The following SECISBP2 variants were observed in gnomAD, a reference collection of about 807,000 sequenced individuals.
The protein encoded by SECISBP2 is selenocysteine insertion sequence-binding protein 2.
In SECISBP2, 96 loss-of-function variants were observed where a neutral mutation model predicts 98.2. That is an observed-to-expected ratio of 0.98 (90% CI 0.83 to 1.16). SECISBP2 has a LOEUF of 1.16. SECISBP2 is among the 50% of genes most tolerant of loss of function. SECISBP2 has a pLI of 0.00. For missense variants in SECISBP2, 1,046 were observed against 1,022.9 expected, an observed-to-expected ratio of 1.02 and a Z score of -0.31; for synonymous variants, 407 against 370.2, an observed-to-expected ratio of 1.10 and a Z score of -1.14.
At chr9:89,363,378 G>GC, downstream of SECISBP2, 1 of 1,596,240 alleles carries the variant, frequency 6.3e-7, no homozygotes, top group Admixed American at 1.7e-5. Flanking sequence ...TGTGGCAGGT[G>GC]CCCTGCCCCT....
intron 6 of SECISBP2, 36 bp downstream of exon 6, chr9:89,333,022 G>A: frequency 6.4e-7 from 1 of 1,569,628 alleles, no homozygotes; most frequent in Non-Finnish European, 8.8e-7. Context: ...TTTTTAAAAT[G>A]TCATAGATTT....
downstream of SECISBP2, chr9:89,363,965 C>G (rs147013702): frequency 1.9e-6 from 3 of 1,614,016 alleles, no homozygotes; most frequent in East Asian, 2.2e-5. Flanking sequence ...GGACACAGAC[C>G]GTTTCCACCT....
downstream of SECISBP2, chr9:89,361,525 A>G (rs1832763416): frequency 6.6e-6 from 1 of 152,270 alleles, no homozygotes; most frequent in South Asian, 2.1e-4. Context: ...ACACACAGTG[A>G]CACAGTCTTC....
intron 2 of SECISBP2, chr9:89,324,916 G>C (rs1826424815): frequency 5.9e-6 from 1 of 168,712 alleles, no homozygotes; most frequent in Non-Finnish European, 1.3e-5. Context: ...TGTTAGTAAA[G>C]TGTGTAGTTA....
chr9:89,350,997 G>C, intron 14 of SECISBP2, 145 bp downstream of exon 14: 1 of 733,702 alleles, frequency 1.4e-6, no homozygotes. Flanking sequence ...TTGAGTAACT[G>C]TTTCCCAACT....
intron 5 of SECISBP2, among the ~76,000 whole-genome samples, chr9:89,330,825 G>T (rs1827630322): frequency 6.6e-6 from 1 of 152,220 alleles, no homozygotes; most frequent in Non-Finnish European, 1.5e-5. Context: ...AAGTAGTCCA[G>T]GATGCTGTGT....
At chr9:89,354,141 G>A (rs1055814942) in intron 14 of SECISBP2, among the ~76,000 whole-genome samples, 1 of 152,186 alleles carries the variant, frequency 6.6e-6, no homozygotes, top group Non-Finnish European at 1.5e-5. Flanking sequence ...TCAGTAGTTG[G>A]CCCTTGCCAC....
At chr9:89,350,608 C>T in intron 13 of SECISBP2, 24 bp from the exon 14 acceptor site, 1 of 1,605,954 alleles carries the variant, frequency 6.2e-7, no homozygotes, top group African/African-American at 1.3e-5. Context: ...TGGCACAATT[C>T]CTGATGTCTG....
In SECISBP2 at chr9:89,358,868, T is replaced by A; in HGVS notation, c.*44T>A. 3.9e-5 allele frequency: 46 copies of A among 1,181,336 alleles called. No individual in the cohort carries two copies. The highest frequency in any genetic ancestry group is 4.9e-5 in the Non-Finnish European group (39 of 790,948). 73.2% of individuals were successfully genotyped at this position (1,181,336 alleles called of 1,614,324 possible). A position where few individuals can be genotyped will look rare whatever the true frequency, so the allele number is the denominator to read the frequency against. On this transcript the variant is annotated 3_prime_UTR_variant, in exon 17 of 17. Transcript: ENST00000375807. ...CTGTATTTTGGGTAAGGAGGGGAGG[T>A]CTGAAAAAGACTTTGGGGCTTTTTC...
At chr9:89,363,940 G>C, downstream of SECISBP2, 1 of 1,614,088 alleles carries the variant, frequency 6.2e-7, no homozygotes, top group Non-Finnish European at 8.5e-7. Context: ...CAAAGCGAAT[G>C]TCTGCAGGAC....
chr9:89,358,700 C>A (rs560638177), intron 16 of SECISBP2, 21 bp from the exon 17 acceptor site: 3 of 1,515,702 alleles, frequency 2.0e-6, no homozygotes, highest in South Asian at 1.1e-5. Context: ...ATTCCTCACT[C>A]GTGCTGTTTT....
intron 10 of SECISBP2, among the ~76,000 whole-genome samples, chr9:89,344,803 T>A (rs901042774): frequency 6.6e-6 from 1 of 152,228 alleles, no homozygotes; most frequent in South Asian, 2.1e-4. Flanking sequence ...TCCCCCTTTA[T>A]GCTATTGTCA....
At position 89,351,068 on chromosome 9, in the gene SECISBP2, C is replaced by G. The variant is rs112258699; in HGVS notation, c.2113+216C>G. On this transcript the variant is annotated intron_variant, in intron 14 of 16. Coordinates refer to ENST00000375807, the MANE Select transcript of SECISBP2 (RefSeq NM_024077.5). Reference sequence around the variant, plus strand: ...GGCAGGTGGGTCCTGTGATCCTGCACGCTGGGAGGCCAGCCAGCCCACACA... The same window carrying G: ...GGCAGGTGGGTCCTGTGATCCTGCAGGCTGGGAGGCCAGCCAGCCCACACA... Among the ~76,000 whole-genome samples the G allele has an allele frequency of 9.6e-3, 1,455 of 152,322 alleles. 19 individuals carry two copies. The highest frequency in any genetic ancestry group is 0.034 in the Middle Eastern group (10 of 294).
At chr9:89,364,080 C>T, downstream of SECISBP2, 1 of 1,569,752 alleles carries the variant, frequency 6.4e-7, no homozygotes, top group Non-Finnish European at 8.6e-7. Context: ...ACTTCCAATT[C>T]AGTCCCTGGG....
chr9:89,322,785 CATG>C (rs1176003100), intron 2 of SECISBP2: 3 of 151,972 alleles, frequency 2.0e-5, no homozygotes, highest in African/African-American at 7.3e-5. Context: ...GGACCATGTG[CATG>C]ATATGTTTGG....
Position 89,357,415 on chromosome 9 carries a change from G to T in SECISBP2, c.2118G>T (p.Gly706=), listed in dbSNP as rs558925389. 5 of 1,614,122 alleles carry T rather than the reference G, an allele frequency of 3.1e-6. No homozygotes were observed. In the South Asian group the frequency reaches 5.5e-5, roughly 18 times the overall value. Residue 706 remains glycine (G), a synonymous_variant, in exon 15 of 17, where the codon GGG becomes GGT. Transcript: ENST00000375807. The part of the protein sequence containing the change: ...PNCEKIQSKG[G]LDDTLHTIID... Reference sequence around the variant, plus strand: ...TTTTCATTGTCCTTTGACCAGGTGGGCTGGATGACACTTTGCACACAATTA... The same window carrying T: ...TTTTCATTGTCCTTTGACCAGGTGGTCTGGATGACACTTTGCACACAATTA...
At chr9:89,344,253 C>A (rs1447912040) in intron 10 of SECISBP2, among the ~76,000 whole-genome samples, 1 of 152,174 alleles carries the variant, frequency 6.6e-6, no homozygotes, top group Non-Finnish European at 1.5e-5. Context: ...TTCTCCCATT[C>A]TGTAGGCTGT....
chr9:89,335,750 T>A (rs1479358258), intron 7 of SECISBP2, among the ~76,000 whole-genome samples: 1 of 152,226 alleles, frequency 6.6e-6, no homozygotes, highest in Non-Finnish European at 1.5e-5. Context: ...TTTTGAGTCA[T>A]GAAATACAAG....
intron 16 of SECISBP2, 117 bp downstream of exon 16, chr9:89,358,308 C>T (rs1486303943): frequency 9.5e-7 from 1 of 1,053,356 alleles, no homozygotes; most frequent in Admixed American, 2.0e-5. Flanking sequence ...GTAGCAGGGC[C>T]TGGTAAGTCC....
Sources: allele counts gnomAD v4.1 joint callset (sites outside exome capture counted in the v4.1 genomes callset), GRCh38; gene constraint gnomAD v4.1.1; transcripts MANE v1.5; gene names NCBI Gene and HGNC (gene_info 2026-07-23, HGNC 2026-07-21).